The following MECOM variants were observed in gnomAD, a reference collection of about 807,000 sequenced individuals.
MECOM encodes the protein MDS1 and EVI1 complex locus, also known as histone-lysine N-methyltransferase MECOM.
A neutral mutation model predicts 116.3 loss-of-function variants in MECOM; 13 were observed. That is an observed-to-expected ratio of 0.11 (90% CI 0.07 to 0.18). The LOEUF (loss-of-function observed/expected upper bound fraction) is 0.18. Among genes scored for constraint, MECOM ranks in the 10% least tolerant of loss-of-function variants. The pLI is 1.00. For synonymous variants in MECOM, 528 were observed against 535.2 expected, an observed-to-expected ratio of 0.99 and a Z score of 0.19; for missense variants, 1,299 against 1,509.0, an observed-to-expected ratio of 0.86 and a Z score of 2.31.
At chr3:169,271,833 G>A (rs577621882) in intron 2 of MECOM, among the ~76,000 whole-genome samples, 1 of 152,106 alleles carries the variant, frequency 6.6e-6, no homozygotes, top group South Asian at 2.1e-4. Flanking sequence ...AATGTCTCAG[G>A]GTAACATTTT....
rs76452240 is a variant in MECOM, at chr3:169,494,187, C to A, written c.38-112663G>T. On this transcript the variant is annotated intron_variant, in intron 1 of 16. Coordinates refer to ENST00000651503, the MANE Select transcript of MECOM (RefSeq NM_004991.4). The stretch of plus-strand genomic sequence containing the variant: ...TTAATATTTTAAAACAGGGGACAAT[C>A]TCAGTTTTTATTACCCAAAGGAAAC... 0.026 allele frequency among the ~76,000 whole-genome samples: 3,939 copies of A among 151,974 alleles called. 255 individuals are homozygous for A. The East Asian group carries it at 0.28, about 11-fold the overall frequency.
intron 1 of MECOM, among the ~76,000 whole-genome samples, chr3:169,385,898 A>C (rs1733241641): frequency 6.6e-6 from 1 of 152,196 alleles, no homozygotes; most frequent in Non-Finnish European, 1.5e-5. Flanking sequence ...GGTCCCATAA[A>C]GATAAATAAC....
intron 2 of MECOM, among the ~76,000 whole-genome samples, chr3:169,334,374 C>T (rs985487051): frequency 1.3e-5 from 2 of 152,124 alleles, no homozygotes; most frequent in Non-Finnish European, 2.9e-5. Flanking sequence ...ACATTATTAG[C>T]TCATTCCATC....
At chr3:169,320,638 A>G (rs1430526113) in intron 2 of MECOM, among the ~76,000 whole-genome samples, 1 of 152,196 alleles carries the variant, frequency 6.6e-6, no homozygotes, top group African/African-American at 2.4e-5. Flanking sequence ...AACCCATAAT[A>G]TTTTCAAGAA....
intron 1 of MECOM, among the ~76,000 whole-genome samples, chr3:169,400,287 A>G (rs1208042883): frequency 3.9e-5 from 6 of 152,234 alleles, no homozygotes; most frequent in Non-Finnish European, 8.8e-5. Context: ...CCAAAAGAAT[A>G]GATCAAAATC....
intron 1 of MECOM, among the ~76,000 whole-genome samples, chr3:169,529,774 T>A (rs986395941): frequency 6.6e-6 from 1 of 152,144 alleles, no homozygotes; most frequent in Non-Finnish European, 1.5e-5. Context: ...GTAAATAGAT[T>A]CCCTGCTTTG....
chr3:169,130,764 G>A, intron 4 of MECOM, among the ~76,000 whole-genome samples: 1 of 151,362 alleles, frequency 6.6e-6, no homozygotes, highest in Non-Finnish European at 1.5e-5. Flanking sequence ...CAGTATACTT[G>A]GACACAGAAA....
At chr3:169,616,283 GAA>G (rs748224609) in intron 1 of MECOM, among the ~76,000 whole-genome samples, 4 of 152,186 alleles carry the variant, frequency 2.6e-5, no homozygotes, top group Admixed American at 6.5e-5. Flanking sequence ...GTTTGGGGAA[GAA>G]AAGAGGGGGC....
chr3:169,095,663 C>G (rs756118748), intron 12 of MECOM, among the ~76,000 whole-genome samples: 7 of 152,150 alleles, frequency 4.6e-5, no homozygotes, highest in Non-Finnish European at 1.0e-4. Context: ...AAATTTCAGT[C>G]TGATTAATTT....
At chr3:169,347,632 A>G (rs1484499628) in intron 2 of MECOM, among the ~76,000 whole-genome samples, 1 of 152,100 alleles carries the variant, frequency 6.6e-6, no homozygotes, top group South Asian at 2.1e-4. Flanking sequence ...AAGAGAAGTT[A>G]TCTACCCTTA....
chr3:169,318,863 C>T (rs370803100), intron 2 of MECOM, among the ~76,000 whole-genome samples: 2 of 152,176 alleles, frequency 1.3e-5, no homozygotes. Context: ...CTTTGAGAGG[C>T]CTAGGCAGGT....
intron 13 of MECOM, among the ~76,000 whole-genome samples, 158 bp from the exon 14 acceptor site, chr3:169,093,260 T>C (rs1195204561): frequency 6.6e-6 from 1 of 152,188 alleles, no homozygotes; most frequent in Non-Finnish European, 1.5e-5. Flanking sequence ...CTCCCCAGTT[T>C]ACCATAATAC....
At chr3:169,323,758 C>A (rs1388604841) in intron 2 of MECOM, among the ~76,000 whole-genome samples, 1 of 152,168 alleles carries the variant, frequency 6.6e-6, no homozygotes, top group Non-Finnish European at 1.5e-5. Context: ...TGTTTTTATA[C>A]TCTATGTGCT....
chr3:169,239,726 A>G (rs1754546020), intron 2 of MECOM, among the ~76,000 whole-genome samples: 1 of 152,142 alleles, frequency 6.6e-6, no homozygotes, highest in Non-Finnish European at 1.5e-5. Context: ...CTAAATAAGT[A>G]AAGAATAGAA....
At chr3:169,449,892 C>A (rs773472633) in intron 1 of MECOM, among the ~76,000 whole-genome samples, 32 of 152,164 alleles carry the variant, frequency 2.1e-4, no homozygotes, top group Non-Finnish European at 1.5e-4. Flanking sequence ...CCCTCTAATT[C>A]TTTTTCCTCT....
chr3:169,396,872 C>T (rs988267895), intron 1 of MECOM, among the ~76,000 whole-genome samples: 3 of 152,010 alleles, frequency 2.0e-5, no homozygotes. Context: ...ACTCAGGAGG[C>T]TGAGGTAGGA....
intron 11 of MECOM, among the ~76,000 whole-genome samples, chr3:169,101,386 T>C (rs1478851120): frequency 6.6e-6 from 1 of 152,206 alleles, no homozygotes; most frequent in African/African-American, 2.4e-5. Context: ...TAACTCCCTA[T>C]GCATAGAGTG....
chr3:169,265,578 A>G (rs1758177189), intron 2 of MECOM, among the ~76,000 whole-genome samples: 1 of 152,212 alleles, frequency 6.6e-6, no homozygotes, highest in South Asian at 2.1e-4. Flanking sequence ...CAAGCTAGAG[A>G]TTTGGAATGA....
chr3:169,634,737 G>C (rs1772509827), intron 1 of MECOM, among the ~76,000 whole-genome samples: 2 of 151,892 alleles, frequency 1.3e-5, no homozygotes, highest in African/African-American at 4.8e-5. Context: ...ATGTTCATTT[G>C]GGAGCACTTA....
Sources: allele counts gnomAD v4.1 joint callset (sites outside exome capture counted in the v4.1 genomes callset), GRCh38; gene constraint gnomAD v4.1.1; transcripts MANE v1.5; gene names NCBI Gene and HGNC (gene_info 2026-07-23, HGNC 2026-07-21).